The following KIF5C variants were observed in gnomAD, a reference collection of about 807,000 sequenced individuals.
KIF5C encodes kinesin family member 5C, also known as kinesin heavy chain isoform 5C.
Under a neutral mutation model 125.2 loss-of-function variants are expected in KIF5C, and 18 were observed. The observed-to-expected ratio is 0.14, with a 90% CI of 0.10 to 0.21. KIF5C has a LOEUF of 0.21. Among genes scored for constraint, KIF5C ranks in the 10% least tolerant of loss-of-function variants. The pLI, the probability that KIF5C is intolerant of heterozygous loss-of-function variation, is 1.00. For synonymous variants in KIF5C, 405 were observed against 434.0 expected (o/e 0.93, Z 0.83); for missense variants, 780 against 1,183.8 (o/e 0.66, Z 5.01).
chr2:148,919,847 C>A (rs1454555052), intron 1 of KIF5C, among the ~76,000 whole-genome samples: 3 of 152,282 alleles, frequency 2.0e-5, no homozygotes, highest in Non-Finnish European at 2.9e-5. Context: ...TTAATCCTGA[C>A]AAGATAGGTC....
intron 3 of KIF5C, among the ~76,000 whole-genome samples, chr2:148,933,160 G>A (rs1485510296): frequency 5.3e-5 from 8 of 151,808 alleles, no homozygotes; most frequent in East Asian, 1.9e-4. Context: ...CGCCTTCTCC[G>A]CCCACATCCT....
At chr2:148,968,366 T>C (rs1406271530) in intron 11 of KIF5C, among the ~76,000 whole-genome samples, 1 of 152,220 alleles carries the variant, frequency 6.6e-6, no homozygotes, top group Non-Finnish European at 1.5e-5. Flanking sequence ...TAGCCTCTAG[T>C]CTGATTTGGG....
chr2:148,981,606 T>C (rs767016792), intron 14 of KIF5C, 45 bp downstream of exon 14: 26 of 1,529,370 alleles, frequency 1.7e-5, no homozygotes, highest in Non-Finnish European at 2.6e-6. Flanking sequence ...TTGGCTGCCG[T>C]TCCTGTACTC....
chr2:148,920,530 G>A (rs1280367707), intron 1 of KIF5C, among the ~76,000 whole-genome samples: 1 of 152,174 alleles, frequency 6.6e-6, no homozygotes, highest in Non-Finnish European at 1.5e-5. Context: ...AATTTTAGCA[G>A]AATGACTCTG....
At chr2:148,990,935 G>A in intron 15 of KIF5C, 75 bp from the exon 16 acceptor site, 1 of 1,501,088 alleles carries the variant, frequency 6.7e-7, no homozygotes, top group Non-Finnish European at 8.9e-7. Flanking sequence ...GGGGATCCAG[G>A]GGCAGGTTTC....
At chr2:149,009,925 C>T (rs560871445) in intron 23 of KIF5C, among the ~76,000 whole-genome samples, 7 of 152,198 alleles carry the variant, frequency 4.6e-5, no homozygotes, top group Non-Finnish European at 8.8e-5. Flanking sequence ...TGTATCCCCA[C>T]CCCACCGTTC....
chr2:148,994,949 C>T (rs990751581), intron 17 of KIF5C, among the ~76,000 whole-genome samples: 21 of 152,242 alleles, frequency 1.4e-4, no homozygotes, highest in African/African-American at 3.6e-4. Flanking sequence ...GATCTGTCTA[C>T]CTCAGCCTCC....
intron 17 of KIF5C, among the ~76,000 whole-genome samples, chr2:148,995,587 T>A (rs1281473731): frequency 6.6e-6 from 1 of 152,236 alleles, no homozygotes; most frequent in Non-Finnish European, 1.5e-5. Flanking sequence ...ATTGTTAGAA[T>A]TTTCTCAGAA....
intron 25 of KIF5C, among the ~76,000 whole-genome samples, chr2:149,017,362 TGA>T (rs1340127528): frequency 6.6e-6 from 1 of 152,078 alleles, no homozygotes; most frequent in Non-Finnish European, 1.5e-5. Context: ...GATGATCAGC[TGA>T]GAGAGAGGGA....
At chr2:148,957,842 G>A (rs1343323869) in intron 10 of KIF5C, among the ~76,000 whole-genome samples, 1 of 152,002 alleles carries the variant, frequency 6.6e-6, no homozygotes, top group African/African-American at 2.4e-5. Context: ...GATCTTGGAA[G>A]CCTCTCTCTT....
intron 1 of KIF5C, among the ~76,000 whole-genome samples, chr2:148,895,529 A>G (rs1681816724): frequency 6.6e-6 from 1 of 152,062 alleles, no homozygotes; most frequent in Non-Finnish European, 1.5e-5. Context: ...TGAATCTCCA[A>G]AATATTTATA....
chr2:149,019,638 C>T (rs1018292553), intron 25 of KIF5C, among the ~76,000 whole-genome samples: 2 of 152,184 alleles, frequency 1.3e-5, no homozygotes, highest in Admixed American at 1.3e-4. Flanking sequence ...TGTACCAAAG[C>T]TCCAATGAGA....
At chr2:148,888,111 C>T (rs1009162563) in intron 1 of KIF5C, among the ~76,000 whole-genome samples, 1 of 152,214 alleles carries the variant, frequency 6.6e-6, no homozygotes, top group African/African-American at 2.4e-5. Flanking sequence ...CGCCTGGTCT[C>T]TGAGAGGTGG....
chr2:148,982,944 C>G (rs965197975), intron 14 of KIF5C, among the ~76,000 whole-genome samples: 1 of 152,076 alleles, frequency 6.6e-6, no homozygotes, highest in Non-Finnish European at 1.5e-5. Flanking sequence ...AGAATACATA[C>G]CTTTTGGCAA....
intron 2 of KIF5C, among the ~76,000 whole-genome samples, chr2:148,927,397 G>A (rs1455875074): frequency 6.6e-6 from 1 of 152,124 alleles, no homozygotes; most frequent in African/African-American, 2.4e-5. Flanking sequence ...CCCTGGCCCT[G>A]GCAACTTCGG....
intron 4 of KIF5C, among the ~76,000 whole-genome samples, chr2:148,938,604 G>GC (rs979501385): frequency 3.8e-4 from 58 of 152,100 alleles, no homozygotes; most frequent in African/African-American, 1.2e-3. Context: ...CTACATAGGT[G>GC]CCCCCCTTGC....
intron 3 of KIF5C, among the ~76,000 whole-genome samples, chr2:148,933,930 A>C (rs1464480534): frequency 6.7e-6 from 1 of 149,316 alleles, no homozygotes; most frequent in East Asian, 2.0e-4. Context: ...CACACACACA[A>C]ACATGTACAC....
At position 148,929,391 on chromosome 2, in the gene KIF5C, A is replaced by G. The variant is rs1682119183; in HGVS notation, c.291+37A>G. ...ATGTGCTCTAATGCGAATCTCTGAG[A>G]TGACTGAATGGAACTGACGTTTCCA... On this transcript the variant is annotated intron_variant, in intron 3 of 25. Transcript: ENST00000435030. The G allele has an allele frequency of 3.7e-6, 5 of 1,335,222 alleles. No individual in the cohort carries two copies. The Middle Eastern group carries it at 5.3e-4, about 143-fold the overall frequency. The allele number at this position is 1,335,222 out of a possible 1,614,324, so 82.7% of individuals were successfully genotyped here.
At chr2:148,923,416 G>A (rs1681869184) in intron 2 of KIF5C, among the ~76,000 whole-genome samples, 2 of 151,982 alleles carry the variant, frequency 1.3e-5, no homozygotes, top group Non-Finnish European at 1.5e-5. Flanking sequence ...GAAACCCAAT[G>A]AGAAAAAAAA....
Sources: gnomAD v4.1 joint callset for allele counts (sites outside exome capture counted in the v4.1 genomes callset) on GRCh38, gnomAD v4.1.1 for gene constraint, MANE v1.5 for transcripts, NCBI Gene and HGNC (gene_info 2026-07-23, HGNC 2026-07-21) for gene names.